Variants in POU2F1 observed in about 807,000 individuals in gnomAD.
The protein encoded by POU2F1 is POU domain, class 2, transcription factor 1.
Under a neutral mutation model 84.9 loss-of-function variants are expected in POU2F1, and 16 were observed. That is an observed-to-expected ratio of 0.19 (90% CI 0.13 to 0.29). POU2F1 has a LOEUF of 0.29. POU2F1 is among the 10% of genes least tolerant of loss of function. The pLI is 1.00. For missense variants in POU2F1, 738 were observed against 942.6 expected (o/e 0.78, Z 2.84); for synonymous variants, 368 against 368.3 (o/e 1.00, Z 0.01).
At chr1:167,325,887 C>CA (rs1184183063) in intron 1 of POU2F1, among the ~76,000 whole-genome samples, 6,768 of 99,310 alleles carry the variant, frequency 0.068, 190 homozygotes, top group Middle Eastern at 0.1. Context: ...AACTCCATCT[C>CA]AAAAAAAAAA....
rs757747416 is a variant in POU2F1 at position 167,372,038 on chromosome 1, T to G, written c.402+2T>G. On this transcript the variant is annotated splice_donor_variant, in intron 5 of 15. Transcript: ENST00000367866. LOFTEE classifies it high-confidence loss of function. ...CTAGCTGGAGGACAGATAACTGGGGTAAGTGTTCACTGAGAGAATTATAAC... is the reference window on the plus strand; with the variant it reads ...CTAGCTGGAGGACAGATAACTGGGGGAAGTGTTCACTGAGAGAATTATAAC... 27 of 1,610,106 alleles carry G rather than the reference T, an allele frequency of 1.7e-5. No homozygotes were observed. The highest frequency in any genetic ancestry group is 2.2e-5 in the Non-Finnish European group (26 of 1,178,436).
At chr1:167,393,457 T>C (rs535456324) in intron 9 of POU2F1, among the ~76,000 whole-genome samples, 21 of 152,314 alleles carry the variant, frequency 1.4e-4, no homozygotes, top group Non-Finnish European at 1.2e-4. Flanking sequence ...TCATTTCTTA[T>C]AATTACTGTC....
At position 167,396,374 on chromosome 1, in the gene POU2F1, T is replaced by A; in HGVS notation, c.1076T>A (p.Phe359Tyr). The A allele has an allele frequency of 6.2e-7, 1 of 1,614,120 alleles. No individual in the cohort carries two copies. The highest frequency in any genetic ancestry group is 8.5e-7 in the Non-Finnish European group (1 of 1,179,990). ...CGATTTGAAGCCTTGAACCTCAGCT[T>A]TAAGAACATGTGCAAGTTGAAGCCA... ...ISRFEALNLS[F>Y]KNMCKLKPLL... The change falls in exon 10 of 16, where the codon TTT becomes TAT. Residue 359 changes from phenylalanine to tyrosine, a missense_variant. By Grantham distance (22) the Phe-to-Tyr change is conservative. Around this residue, in one of 4 missense-constraint regions of POU2F1, gnomAD observed 95 missense variants for 195.1 expected, o/e 0.49. Coordinates refer to ENST00000367866, the MANE Select transcript of POU2F1 (RefSeq NM_002697.4).
At chr1:167,232,013 C>CA (rs1289689928) in intron 1 of POU2F1, among the ~76,000 whole-genome samples, 2 of 152,204 alleles carry the variant, frequency 1.3e-5, no homozygotes, top group Non-Finnish European at 1.5e-5. Flanking sequence ...CCAACACACA[C>CA]ACACCAATAT....
At chr1:167,329,029 T>C in intron 1 of POU2F1, 1 of 1,146,440 alleles carries the variant, frequency 8.7e-7, no homozygotes, top group Non-Finnish European at 1.1e-6. Context: ...CAGTCCTAGC[T>C]GGTAGGAGAG....
At chr1:167,249,102 A>G (rs1650543674) in intron 1 of POU2F1, among the ~76,000 whole-genome samples, 1 of 152,136 alleles carries the variant, frequency 6.6e-6, no homozygotes, top group South Asian at 2.1e-4. Context: ...CACATATATT[A>G]TTTTCTTAAA....
At chr1:167,400,668 T>C (rs1019868703) in intron 12 of POU2F1, among the ~76,000 whole-genome samples, 4 of 152,234 alleles carry the variant, frequency 2.6e-5, no homozygotes, top group African/African-American at 9.6e-5. Context: ...GTCGTATGAC[T>C]CCCTTGGTTT....
chr1:167,342,306 A>C (rs767580131), intron 2 of POU2F1, among the ~76,000 whole-genome samples: 1 of 152,196 alleles, frequency 6.6e-6, no homozygotes, highest in Non-Finnish European at 1.5e-5. Flanking sequence ...AAATTTGTTA[A>C]TGTAACCTAA....
chr1:167,399,799 G>T (rs1395813065), intron 12 of POU2F1, among the ~76,000 whole-genome samples: 1 of 141,394 alleles, frequency 7.1e-6, no homozygotes, highest in Non-Finnish European at 1.5e-5. Flanking sequence ...TTGGCCTCCC[G>T]AGTAGCTGGG....
intron 1 of POU2F1, among the ~76,000 whole-genome samples, chr1:167,252,014 T>TTG (rs1324783812): frequency 7.7e-6 from 1 of 129,722 alleles, no homozygotes; most frequent in Non-Finnish European, 1.6e-5. Context: ...TTGGCTAATT[T>TTG]TGTATATATA....
At chr1:167,323,563 C>T (rs1291836961) in intron 1 of POU2F1, among the ~76,000 whole-genome samples, 1 of 152,170 alleles carries the variant, frequency 6.6e-6, no homozygotes, top group Non-Finnish European at 1.5e-5. Context: ...CTATCTGATT[C>T]CCTATAGCAT....
At chr1:167,340,101 T>C (rs1043815094) in intron 2 of POU2F1, among the ~76,000 whole-genome samples, 1 of 152,198 alleles carries the variant, frequency 6.6e-6, no homozygotes, top group Non-Finnish European at 1.5e-5. Context: ...TTTTTTAAGA[T>C]GGAATTTCAC....
chr1:167,287,270 T>C (rs1439515415), intron 1 of POU2F1, among the ~76,000 whole-genome samples: 1 of 152,230 alleles, frequency 6.6e-6, no homozygotes, highest in African/African-American at 2.4e-5. Flanking sequence ...TTTGTTCACC[T>C]GTGTGGTCTG....
rs1174528933 is a variant in POU2F1, at chr1:167,413,114, G to A, written c.1990G>A (p.Ala664Thr). ...CAACAGTACACTGGCAACTATTCAA[G>A]GTCAGTAGAAGCCTTTTTCTTAATT... The part of the protein sequence containing the change: ...MSNSTLATIQ[A>T]LASGGSLPIT... The change falls in exon 15 of 16, where the codon GCT (alanine) becomes ACT (threonine). Residue 664 changes from alanine to threonine, a missense_variant and splice_region_variant. This residue lies in a region of POU2F1 where 319 missense variants were observed against 386.0 expected (regional missense o/e 0.83). Transcript: ENST00000367866. The A allele has an allele frequency of 2.5e-6, 4 of 1,610,808 alleles. No individual in the cohort carries two copies. In the Admixed American group the frequency reaches 5.0e-5, roughly 20 times the overall value.
chr1:167,366,775 T>C (rs1659706766), intron 3 of POU2F1, among the ~76,000 whole-genome samples: 1 of 152,234 alleles, frequency 6.6e-6, no homozygotes, highest in South Asian at 2.1e-4. Flanking sequence ...AAAAAATGTT[T>C]TCATGTTGAT....
chr1:167,282,147 A>C lies in POU2F1; in HGVS notation c.62-50323A>C, dbSNP rs999285635. ...AGTAAACAAAAGAATTTTTTTTCTT[A>C]TTTTTTTTTTTTCTGAGACGAGTCT... On this transcript the variant is annotated intron_variant, in intron 1 of 15. Coordinates refer to ENST00000367866, the MANE Select transcript of POU2F1 (RefSeq NM_002697.4). 1.5e-4 allele frequency among the ~76,000 whole-genome samples: 22 copies of C among 143,418 alleles called. 1 individual carries two copies. In the South Asian group the frequency reaches 2.4e-3, roughly 16 times the overall value. 94.1% of individuals were successfully genotyped at this position (143,418 alleles called of 152,430 possible). A position where few individuals can be genotyped will look rare whatever the true frequency, so the allele number is the denominator to read the frequency against.
At chr1:167,372,221 G>C (rs113539813) in intron 5 of POU2F1, among the ~76,000 whole-genome samples, 185 bp downstream of exon 5, 1 of 152,080 alleles carries the variant, frequency 6.6e-6, no homozygotes, top group Non-Finnish European at 1.5e-5. Context: ...TATCTTTGTC[G>C]TAAGTTTTCA....
At chr1:167,271,475 C>A (rs1407797865) in intron 1 of POU2F1, among the ~76,000 whole-genome samples, 1 of 152,132 alleles carries the variant, frequency 6.6e-6, no homozygotes, top group Non-Finnish European at 1.5e-5. Context: ...TAAGATTGGT[C>A]AGACTTCTAT....
intron 12 of POU2F1, among the ~76,000 whole-genome samples, chr1:167,401,199 G>A (rs568105469): frequency 5.3e-4 from 81 of 152,220 alleles, no homozygotes; most frequent in African/African-American, 1.9e-3. Flanking sequence ...TTGATAATTA[G>A]TATAATGTTT....
Sources: allele counts gnomAD v4.1 joint callset (sites outside exome capture counted in the v4.1 genomes callset), GRCh38; gene constraint gnomAD v4.1.1; regional missense constraint gnomAD v4.1.1; transcripts MANE v1.5; gene names NCBI Gene and HGNC (gene_info 2026-07-23, HGNC 2026-07-21).